Variants in CBY1 observed in about 807,000 individuals in gnomAD.
The protein encoded by CBY1 is chibby 1, beta catenin antagonist, also known as protein chibby homolog 1.
Under a neutral mutation model 15.6 loss-of-function variants are expected in CBY1, and 10 were observed. The observed-to-expected ratio is 0.64, with a 90% confidence interval of 0.40 to 1.09. The LOEUF (loss-of-function observed/expected upper bound fraction) is 1.09, where lower values mean the gene tolerates loss of function less well. Among genes scored for constraint, CBY1 ranks in the 50% least tolerant of loss-of-function variants. The probability of loss-of-function intolerance (pLI) is 0.01; values close to 1 mark genes in which losing one functional copy is unlikely to be tolerated. For missense variants in CBY1, 150 were observed against 160.5 expected, an observed-to-expected ratio of 0.93 and a Z score of 0.35; for synonymous variants, 61 against 63.5, an observed-to-expected ratio of 0.96 and a Z score of 0.19.
intron 1 of CBY1, among the ~76,000 whole-genome samples, chr22:38,663,820 G>A (rs1224134513): frequency 2.0e-5 from 3 of 151,510 alleles, no homozygotes; most frequent in Admixed American, 6.6e-5. Context: ...TCAGGAGTTC[G>A]AGACCAGCCT....
intron 1 of CBY1, chr22:38,666,412 T>G (rs1017800446): frequency 2.6e-5 from 4 of 151,934 alleles, no homozygotes; most frequent in African/African-American, 7.3e-5. Context: ...CCTCCTTTTC[T>G]CCCCAAAAAC....
Position 38,671,076 on chromosome 22 carries a change from G to T in CBY1, c.191G>T (p.Gly64Val). ...FENGQWIAET[G>V]VSGGVDRREV... Reference sequence around the variant, plus strand: ...GGTTCTGTCCTTCCTCCAGAGACAGGGGTTAGTGGCGGTGTGGACCGGAGG... The same window carrying T: ...GGTTCTGTCCTTCCTCCAGAGACAGTGGTTAGTGGCGGTGTGGACCGGAGG... Residue 64 changes from glycine to valine, a missense_variant, in exon 4 of 5, where the codon GGG becomes GTG. Coordinates refer to ENST00000216029, the MANE Select transcript of CBY1 (RefSeq NM_015373.4). 6.2e-7 allele frequency: 1 copy of T among 1,614,146 alleles called. No homozygotes were observed. Among genetic ancestry groups the T allele is most frequent in the Non-Finnish European group, 8.5e-7 (1 of 1,179,938 alleles).
Position 38,668,131 on chromosome 22 carries a change from C to G in CBY1, c.77C>G (p.Ser26Cys). ...RKSASLSNLH[S>C]LDRSTREVEL... is the part of the protein sequence containing the mutation. ...TCGGCATCTCTCTCCAACCTGCATTCTGTGAGTGTCGGTACTGGGGTCGGC... is the reference window on the plus strand; with the variant it reads ...TCGGCATCTCTCTCCAACCTGCATTGTGTGAGTGTCGGTACTGGGGTCGGC... Residue 26 changes from serine to cysteine, a missense_variant and splice_region_variant, in exon 2 of 5, where the codon TCT becomes TGT. Transcript: ENST00000216029. The G allele has an allele frequency of 6.3e-7, 1 of 1,587,990 alleles. No individual in the cohort carries two copies. Among genetic ancestry groups the G allele is most frequent in the Non-Finnish European group, 8.6e-7 (1 of 1,156,270 alleles).
chr22:38,659,853 C>T (rs2092416984), intron 1 of CBY1, among the ~76,000 whole-genome samples: 1 of 127,118 alleles, frequency 7.9e-6, no homozygotes, highest in Non-Finnish European at 1.6e-5. Context: ...CAGAGTGAGA[C>T]TCTGTCTCAA....
rs770015479 is a variant in CBY1, at chr22:38,673,142, CGCT to C, written c.304-13_304-11del. ...TAGAAATGTGCTGCTTGCTAACAGC[CGCT>C]GCTTCACTTTCAGCTTTCAGAGTCC... On this transcript the variant is annotated splice_polypyrimidine_tract_variant and intron_variant, in intron 4 of 4. Coordinates refer to ENST00000216029, the MANE Select transcript of CBY1 (RefSeq NM_015373.4). The C allele has an allele frequency of 1.9e-6, 3 of 1,587,928 alleles. No homozygotes were observed. Among genetic ancestry groups the C allele is most frequent in the Non-Finnish European group, 2.6e-6 (3 of 1,156,680 alleles).
intron 1 of CBY1, among the ~76,000 whole-genome samples, chr22:38,666,219 T>TTATATA (rs1434478693): frequency 7.7e-6 from 1 of 129,064 alleles, no homozygotes; most frequent in Non-Finnish European, 1.7e-5. Flanking sequence ...TGTATTAATG[T>TTATATA]TATATATATA....
In CBY1 at chr22:38,673,582, G is replaced by A. The variant is rs900619685; in HGVS notation, c.*346G>A. The A allele has an allele frequency of 4.2e-6, 1 of 236,670 alleles. No homozygotes were observed. The highest frequency in any genetic ancestry group is 8.7e-6 in the Non-Finnish European group (1 of 114,814). The allele number at this position is 236,670 out of a possible 1,614,324, so 14.7% of individuals were successfully genotyped here. On this transcript the variant is annotated 3_prime_UTR_variant, in exon 5 of 5. Transcript: ENST00000216029. ...TTGGGTTGTGTTGGGAGAAGCGGCT[G>A]GAGTTCATTCTCTCACCCCCTTATG...
intron 1 of CBY1, among the ~76,000 whole-genome samples, chr22:38,665,179 C>T (rs2092432586): frequency 6.6e-6 from 1 of 152,118 alleles, no homozygotes; most frequent in Non-Finnish European, 1.5e-5. Context: ...AAACTGGAAA[C>T]AGGCCGGGTG....
chr22:38,661,500 A>G (rs181900058), intron 1 of CBY1, among the ~76,000 whole-genome samples: 365 of 152,342 alleles, frequency 2.4e-3, no homozygotes, highest in African/African-American at 8.6e-3. Flanking sequence ...CGTAACTACC[A>G]GGAAAGCTGT....
chr22:38,668,266 C>T (rs1353433023), intron 2 of CBY1, 134 bp downstream of exon 2: 6 of 573,328 alleles, frequency 1.0e-5, no homozygotes, highest in South Asian at 2.3e-5. Context: ...ATTGCTATTG[C>T]GGAAAACATT....
intron 1 of CBY1, among the ~76,000 whole-genome samples, chr22:38,659,079 G>T (rs1343484243): frequency 9.9e-5 from 15 of 152,034 alleles, no homozygotes; most frequent in Admixed American, 7.9e-4. Flanking sequence ...GAGATTACAG[G>T]CGCACGCCAA....
chr22:38,658,151 G>A (rs2092408137), intron 1 of CBY1, among the ~76,000 whole-genome samples: 2 of 151,308 alleles, frequency 1.3e-5, no homozygotes, highest in African/African-American at 2.4e-5. Context: ...TTTGAGATGG[G>A]GTCTTGTTCT....
At chr22:38,662,264 T>G (rs2092424199) in intron 1 of CBY1, among the ~76,000 whole-genome samples, 1 of 149,878 alleles carries the variant, frequency 6.7e-6, no homozygotes, top group Non-Finnish European at 1.5e-5. Context: ...ATCACGCCAC[T>G]GCACTCTAGC....
chr22:38,671,552 T>C (rs1603121226), intron 4 of CBY1: 1 of 284,564 alleles, frequency 3.5e-6, no homozygotes. Context: ...GGAAGAGGGG[T>C]AGAGCCGGCT....
intron 1 of CBY1, among the ~76,000 whole-genome samples, chr22:38,666,984 G>A (rs2092438219): frequency 6.7e-6 from 1 of 149,352 alleles, no homozygotes; most frequent in Non-Finnish European, 1.5e-5. Context: ...TTACAGATAT[G>A]AGCCACCGTG....
At chr22:38,667,950 G>C in intron 1 of CBY1, 67 bp from the exon 2 acceptor site, 1 of 805,618 alleles carries the variant, frequency 1.2e-6, no homozygotes, top group Non-Finnish European at 2.1e-6. Context: ...ATGTCTTCAA[G>C]ATTTGAAGAC....
At chr22:38,658,418 C>T (rs959965999) in intron 1 of CBY1, among the ~76,000 whole-genome samples, 9 of 151,640 alleles carry the variant, frequency 5.9e-5, no homozygotes, top group Non-Finnish European at 1.3e-4. Context: ...GCCACCGTAC[C>T]TGGCCTCTTT....
Position 38,673,404 on chromosome 22 carries a change from C to T in CBY1, c.*168C>T. 2 of 551,468 alleles carry T rather than the reference C, an allele frequency of 3.6e-6. No homozygotes were observed. Among genetic ancestry groups the T allele is most frequent in the South Asian group, 2.0e-5 (1 of 49,774 alleles). 34.2% of individuals were successfully genotyped at this position (551,468 alleles called of 1,614,324 possible). A position where few individuals can be genotyped will look rare whatever the true frequency, so the allele number is the denominator to read the frequency against. Reference sequence around the variant, plus strand: ...CATGGAATGGAGAAAACCAAGATTCCAGATGGGGATAGTAACTAGAAGGTG... The same window carrying T: ...CATGGAATGGAGAAAACCAAGATTCTAGATGGGGATAGTAACTAGAAGGTG... On this transcript the variant is annotated 3_prime_UTR_variant, in exon 5 of 5. Coordinates refer to ENST00000216029, the MANE Select transcript of CBY1 (RefSeq NM_015373.4).
chr22:38,671,491 C>G, intron 4 of CBY1: 1 of 367,134 alleles, frequency 2.7e-6, no homozygotes, highest in East Asian at 6.1e-5. Context: ...GATATCTGAG[C>G]TGAATGTGGA....
Sources: gnomAD v4.1 joint callset for allele counts (sites outside exome capture counted in the v4.1 genomes callset) on GRCh38, gnomAD v4.1.1 for gene constraint, MANE v1.5 for transcripts, NCBI Gene and HGNC (gene_info 2026-07-23, HGNC 2026-07-21) for gene names.